Variants in TACC2 observed in about 807,000 individuals in gnomAD.
The protein encoded by TACC2 is transforming acidic coiled-coil containing protein 2.
TACC2 carries 137 observed loss-of-function variants against 227.3 expected under a neutral mutation model. The observed-to-expected ratio is 0.60, with a 90% CI of 0.52 to 0.69. The LOEUF is 0.69. Ranked by LOEUF, TACC2 falls within the 30% of genes least tolerant of loss-of-function variation. TACC2 has a pLI of 0.00. For synonymous variants in TACC2, 1,523 were observed against 1,487.5 expected (o/e 1.02, Z -0.55); for missense variants, 3,470 against 3,694.4 (o/e 0.94, Z 1.57).
chr10:122,247,649 CAG>C (rs1194624555), intron 19 of TACC2: 2 of 152,206 alleles, frequency 1.3e-5, no homozygotes, highest in African/African-American at 2.4e-5. Context: ...AATGCAGAAA[CAG>C]AGCGCCAAAC....
intron 2 of TACC2, among the ~76,000 whole-genome samples, chr10:122,049,314 G>T (rs993970077): frequency 2.6e-5 from 4 of 152,160 alleles, no homozygotes; most frequent in Non-Finnish European, 5.9e-5. Context: ...CTCTTTCTGT[G>T]GCGGTTTCGT....
In TACC2 at chr10:122,079,506, C is replaced by A. The variant is rs142182670; in HGVS notation, c.147-3141C>A. ...TCTGGTTGAGACAGTAGCCAGCTCT[C>A]TTTTGGGTCCTCAGGCACCATTCCC... On this transcript the variant is annotated intron_variant, in intron 3 of 22. Transcript: ENST00000369005. Among the ~76,000 whole-genome samples the A allele has an allele frequency of 3.6e-4, 55 of 152,326 alleles. 1 individual carries two copies. In the East Asian group the frequency reaches 9.5e-3, roughly 26 times the overall value.
chr10:122,133,459 A>G (rs2070437657), intron 6 of TACC2, among the ~76,000 whole-genome samples: 1 of 152,166 alleles, frequency 6.6e-6, no homozygotes, highest in African/African-American at 2.4e-5. Context: ...ATGGACATGT[A>G]TGCCTCCACA....
rs369509303 is a variant in TACC2, at chr10:122,249,673, G to A, written c.8781+9G>A. 1.9e-6 allele frequency: 3 copies of A among 1,608,970 alleles called. No homozygotes were observed. Among genetic ancestry groups the A allele is most frequent in the African/African-American group, 1.3e-5 (1 of 74,876 alleles). Reference sequence around the variant, plus strand: ...GGACGCTGGAGCAGAAGGTAATAGGGGAGGGGTGTGGCCTCCAGGTGGGCC... The same window carrying A: ...GGACGCTGGAGCAGAAGGTAATAGGAGAGGGGTGTGGCCTCCAGGTGGGCC... On this transcript the variant is annotated intron_variant, in intron 22 of 22. Coordinates refer to ENST00000369005, the MANE Select transcript of TACC2 (RefSeq NM_206862.4).
In TACC2 at chr10:122,201,207, ATGGCCACCTCACCCGCCCACAG is replaced by A. The variant is rs143886121; in HGVS notation, c.5971+6039_5971+6060del. 2.6e-3 allele frequency among the ~76,000 whole-genome samples: 383 copies of A among 149,264 alleles called. 1 individual carries two copies. The highest frequency in any genetic ancestry group is 9.2e-3 in the African/African-American group (367 of 39,690). ...CAGTGGCCACATCTACAGTGAGAGG[ATGGCCACCTCACCCGCCCACAG>A]TGGCCACATCTACAGTGAGAGGACG... is the stretch of plus-strand genomic sequence containing the variant. On this transcript the variant is annotated intron_variant, in intron 8 of 22. Coordinates refer to ENST00000369005, the MANE Select transcript of TACC2 (RefSeq NM_206862.4).
chr10:122,028,814 TTCTGTTCCCTTCCCTTCCC>T (rs1300718427), intron 2 of TACC2, among the ~76,000 whole-genome samples: 2 of 43,822 alleles, frequency 4.6e-5, no homozygotes, highest in African/African-American at 2.5e-4. Flanking sequence ...TCCCCTCCCC[TTCTGTTCCCTTCCCTTCCC>T]TCCGCTCCCC....
Position 122,088,581 on chromosome 10 carries a change from G to C in TACC2, c.5563G>C (p.Gly1855Arg). 6.2e-7 allele frequency: 1 copy of C among 1,613,066 alleles called. No homozygotes were observed. The highest frequency in any genetic ancestry group is 8.5e-7 in the Non-Finnish European group (1 of 1,179,610). Residue 1855 changes from glycine (G) to arginine (R), a missense_variant, in exon 5 of 23, where the codon GGA (glycine) becomes CGA (arginine). Coordinates refer to ENST00000369005, the MANE Select transcript of TACC2 (RefSeq NM_206862.4). Reference protein sequence around the residue: ...VTSDETRGAEGTESSPVADDI... With the variant: ...VTSDETRGAERTESSPVADDI... ...TTCAGATGAGACCAGAGGTGCGGAA[G>C]GAACAGAAAGGTCAGCGAAAGATAT... is the stretch of plus-strand genomic sequence containing the variant.
intron 5 of TACC2, among the ~76,000 whole-genome samples, chr10:122,089,204 T>G (rs2080438046): frequency 6.6e-6 from 1 of 152,166 alleles, no homozygotes; most frequent in East Asian, 1.9e-4. Flanking sequence ...ATTCACAGTG[T>G]GTAACCATGG....
At chr10:122,105,083 G>C (rs2082597718) in intron 5 of TACC2, among the ~76,000 whole-genome samples, 1 of 152,208 alleles carries the variant, frequency 6.6e-6, no homozygotes, top group Admixed American at 6.5e-5. Context: ...TGGCATGCAT[G>C]GGTGCCCCTA....
chr10:122,218,577 A>C (rs977411916), intron 11 of TACC2, among the ~76,000 whole-genome samples: 4 of 152,190 alleles, frequency 2.6e-5, no homozygotes, highest in Non-Finnish European at 5.9e-5. Context: ...CTCCCTACCC[A>C]AAACTGCCTT....
chr10:122,163,205 G>T (rs1013008048), intron 7 of TACC2, among the ~76,000 whole-genome samples: 3 of 152,252 alleles, frequency 2.0e-5, no homozygotes, highest in Admixed American at 2.0e-4. Flanking sequence ...TCCCAGCGTC[G>T]CTCCCGCTGC....
At chr10:122,204,373 C>G (rs1055577499) in intron 8 of TACC2, among the ~76,000 whole-genome samples, 1 of 152,194 alleles carries the variant, frequency 6.6e-6, no homozygotes, top group Non-Finnish European at 1.5e-5. Context: ...AGTCAGTAAC[C>G]GGCTGAGCCC....
rs930081104 is a variant in TACC2, at chr10:122,150,011, T to G, written c.5834+6305T>G. On this transcript the variant is annotated intron_variant, in intron 7 of 22. Coordinates refer to ENST00000369005, the MANE Select transcript of TACC2 (RefSeq NM_206862.4). The surrounding 1 kb of genome is among the most constrained non-coding windows in gnomAD (Gnocchi z 4.0). ...ATGTGAGCTGCCGCGGAGTGGGTGCTGGGCTGTCCCGCTGGCTTCAGCCTG... is the reference window on the plus strand; with the variant it reads ...ATGTGAGCTGCCGCGGAGTGGGTGCGGGGCTGTCCCGCTGGCTTCAGCCTG... Among the ~76,000 whole-genome samples the G allele has an allele frequency of 2.6e-5, 4 of 152,234 alleles. No individual in the cohort carries two copies. Among genetic ancestry groups the G allele is most frequent in the Non-Finnish European group, 4.4e-5 (3 of 68,036 alleles).
intron 3 of TACC2, among the ~76,000 whole-genome samples, chr10:122,073,957 TG>T (rs2078456995): frequency 6.6e-6 from 1 of 151,852 alleles, no homozygotes; most frequent in Non-Finnish European, 1.5e-5. Context: ...TTTTTTTGTA[TG>T]TTTTATAGAG....
chr10:122,028,635 G>A (rs1958405057), intron 2 of TACC2, among the ~76,000 whole-genome samples: 1 of 151,804 alleles, frequency 6.6e-6, no homozygotes, highest in South Asian at 2.1e-4. Context: ...AGATTTCTTG[G>A]GATTTTTCTA....
intron 3 of TACC2, among the ~76,000 whole-genome samples, chr10:122,079,310 T>C (rs2136987156): frequency 6.6e-6 from 1 of 152,318 alleles, no homozygotes; most frequent in African/African-American, 2.4e-5. Flanking sequence ...CAAGACACTT[T>C]ATCCAAACCC....
intron 5 of TACC2, among the ~76,000 whole-genome samples, chr10:122,109,222 C>T (rs1352315727): frequency 6.6e-6 from 1 of 152,160 alleles, no homozygotes; most frequent in Admixed American, 6.5e-5. Context: ...TAAGGAGTCT[C>T]TACACTGTTT....
rs1429433463 is a variant in TACC2, at chr10:122,249,541, C to T, written c.8661-3C>T. 3.7e-6 allele frequency: 6 copies of T among 1,613,666 alleles called. No homozygotes were observed. The Admixed American group carries it at 1.0e-4, about 27-fold the overall frequency. Reference sequence around the variant, plus strand: ...GATAATTCTGAGCTCCCTGTCTCCGCAGGGCCAATGCTGAGATTGCTCAGG... The same window carrying T: ...GATAATTCTGAGCTCCCTGTCTCCGTAGGGCCAATGCTGAGATTGCTCAGG... On this transcript the variant is annotated splice_region_variant and splice_polypyrimidine_tract_variant and intron_variant, in intron 21 of 22. Coordinates refer to ENST00000369005, the MANE Select transcript of TACC2 (RefSeq NM_206862.4).
At chr10:122,006,315 G>A (rs1032882766) in intron 1 of TACC2, among the ~76,000 whole-genome samples, 11 of 152,066 alleles carry the variant, frequency 7.2e-5, no homozygotes, top group Non-Finnish European at 1.3e-4. Flanking sequence ...CAGGCATGGT[G>A]GCTCACGCCT....
Sources: gnomAD v4.1 joint callset for allele counts (sites outside exome capture counted in the v4.1 genomes callset) on GRCh38, gnomAD v4.1.1 for gene constraint, Gnocchi (gnomAD v3.1) non-coding constraint, MANE v1.5 for transcripts, NCBI Gene and HGNC (gene_info 2026-07-23, HGNC 2026-07-21) for gene names.